The following AADAT variants were observed in gnomAD, a reference collection of about 807,000 sequenced individuals.
AADAT encodes aminoadipate aminotransferase, also known as kynurenine/alpha-aminoadipate aminotransferase, mitochondrial.
A neutral mutation model predicts 56.2 loss-of-function variants in AADAT; 25 were observed. That is an observed-to-expected ratio of 0.44 (90% confidence interval 0.32 to 0.62). The LOEUF (loss-of-function observed/expected upper bound fraction) is 0.62. Ranked by LOEUF, AADAT falls within the 20% of genes least tolerant of loss-of-function variation. The pLI is 0.04. For missense variants in AADAT, 387 were observed against 510.5 expected (o/e 0.76, Z 2.33); for synonymous variants, 173 against 164.7 (o/e 1.05, Z -0.39).
upstream of AADAT, among the ~76,000 whole-genome samples, chr4:170,092,389 C>T (rs1027347347): frequency 4.6e-5 from 7 of 152,240 alleles, no homozygotes. Context: ...CACTCACCGC[C>T]AAAGTCTGCA....
intron 12 of AADAT, 26 bp downstream of exon 12, chr4:170,061,866 T>G: frequency 1.3e-6 from 2 of 1,540,870 alleles, no homozygotes; most frequent in South Asian, 2.3e-5. Context: ...TAGCTAGTGT[T>G]ACTCTGAGGA....
upstream of AADAT, chr4:170,090,241 G>A (rs761219996): frequency 2.6e-5 from 4 of 152,242 alleles, no homozygotes; most frequent in Non-Finnish European, 4.4e-5. Flanking sequence ...GACCGGAAGT[G>A]CCCGTGATCC....
intron 4 of AADAT, among the ~76,000 whole-genome samples, chr4:170,075,214 C>T (rs1731975868): frequency 6.6e-6 from 1 of 152,212 alleles, no homozygotes; most frequent in South Asian, 2.1e-4. Flanking sequence ...CATTCATAGA[C>T]ATTATGTAAT....
In AADAT at chr4:170,060,820, G is replaced by T; in HGVS notation, c.*108C>A. On this transcript the variant is annotated 3_prime_UTR_variant, in exon 13 of 13. Transcript: ENST00000337664. ...GCCAGAGTGCAGTGGTGTGATCGTA[G>T]CTTACTGCAGCCTTGAATTCCTGGG... is the stretch of plus-strand genomic sequence containing the variant. 1 of 876,814 alleles carries T rather than the reference G, an allele frequency of 1.1e-6. No individual in the cohort carries two copies. Among genetic ancestry groups the T allele is most frequent in the Non-Finnish European group, 1.7e-6 (1 of 590,900 alleles). The allele number at this position is 876,814 out of a possible 1,614,324, so 54.3% of individuals were successfully genotyped here.
At chr4:170,082,641 T>G (rs943219600) in intron 3 of AADAT, among the ~76,000 whole-genome samples, 2 of 152,026 alleles carry the variant, frequency 1.3e-5, no homozygotes, top group Admixed American at 1.3e-4. Flanking sequence ...ATGGAGTGGC[T>G]GAGTGGATAA....
At chr4:170,067,503 C>A in intron 8 of AADAT, 115 bp from the exon 9 acceptor site, 1 of 696,478 alleles carries the variant, frequency 1.4e-6, no homozygotes, top group South Asian at 1.9e-5. Flanking sequence ...ATATAACAAG[C>A]TGAGCCTAGC....
At chr4:170,075,443 T>C (rs1731985759) in intron 4 of AADAT, among the ~76,000 whole-genome samples, 1 of 152,162 alleles carries the variant, frequency 6.6e-6, no homozygotes, top group Admixed American at 6.5e-5. Context: ...CAAGCAATCC[T>C]TACACCTCAG....
chr4:170,088,470 A>G lies in AADAT; in HGVS notation c.162T>C (p.Thr54=). ...NMFPFKTAVI[T]VENGKTIQFG... ...ATTGGATGGTCTTTCCATTTTCTAC[A>G]GTGATTACGGCAGTCTTAAAAGGAA... is the stretch of plus-strand genomic sequence containing the variant. The change falls in exon 2 of 13, where the codon ACT becomes ACC. Residue 54 remains threonine, a synonymous_variant. Coordinates refer to ENST00000337664, the MANE Select transcript of AADAT (RefSeq NM_016228.4). 2 of 1,613,718 alleles carry G rather than the reference A, an allele frequency of 1.2e-6. No homozygotes were observed. Among genetic ancestry groups the G allele is most frequent in the Non-Finnish European group, 1.7e-6 (2 of 1,179,668 alleles).
At chr4:170,078,368 A>T in intron 4 of AADAT, 141 bp downstream of exon 4, 1 of 474,994 alleles carries the variant, frequency 2.1e-6, no homozygotes, top group Non-Finnish European at 3.6e-6. Context: ...AAAATATGCT[A>T]TTTCATTTTT....
chr4:170,082,282 TAG>T (rs1732355463), intron 3 of AADAT, among the ~76,000 whole-genome samples: 1 of 152,184 alleles, frequency 6.6e-6, no homozygotes, highest in African/African-American at 2.4e-5. Flanking sequence ...AGTTAAAGAA[TAG>T]AGGATTTTTT....
upstream of AADAT, among the ~76,000 whole-genome samples, chr4:170,094,277 C>T (rs1732942465): frequency 6.6e-6 from 1 of 152,186 alleles, no homozygotes; most frequent in Non-Finnish European, 1.5e-5. Context: ...AAGAGCTTAC[C>T]AGACAATAGA....
chr4:170,091,579 C>G (rs1446532162), upstream of AADAT: 2 of 153,466 alleles, frequency 1.3e-5, no homozygotes, highest in African/African-American at 4.8e-5. Context: ...CTCCACAGCA[C>G]CCGGTCCCAT....
intron 8 of AADAT, 117 bp from the exon 9 acceptor site, chr4:170,067,505 G>A: frequency 1.4e-6 from 1 of 694,174 alleles, no homozygotes; most frequent in South Asian, 1.9e-5. Context: ...ATAACAAGCT[G>A]AGCCTAGCTT....
chr4:170,081,561 A>G (rs1185480607), intron 3 of AADAT, among the ~76,000 whole-genome samples: 2 of 152,232 alleles, frequency 1.3e-5, no homozygotes, highest in Admixed American at 6.5e-5. Context: ...AAGCAACAAG[A>G]CAAAAGAAGA....
chr4:170,075,064 A>T (rs1473087166), intron 4 of AADAT, among the ~76,000 whole-genome samples: 1 of 152,192 alleles, frequency 6.6e-6, no homozygotes, highest in Non-Finnish European at 1.5e-5. Context: ...GCAAATCAAT[A>T]CTGGGCCATA....
Position 170,070,646 on chromosome 4 carries a change from T to G in AADAT, c.661A>C (p.Arg221=). The change falls in exon 6 of 13, where the codon AGA becomes CGA. Residue 221 remains arginine, a synonymous_variant. Coordinates refer to ENST00000337664, the MANE Select transcript of AADAT (RefSeq NM_016228.4). The part of the protein sequence containing the change: ...ERKKEIYELA[R]KYDFLIIEDD... ...TCTATTATGAGGAAATCATATTTTC[T>G]TGCAAGCTAAAAAAGGTTGAAGTAA... The G allele has an allele frequency of 6.4e-7, 1 of 1,564,964 alleles. No homozygotes were observed. The highest frequency in any genetic ancestry group is 8.7e-7 in the Non-Finnish European group (1 of 1,145,534).
chr4:170,092,427 C>T (rs535408366), upstream of AADAT, among the ~76,000 whole-genome samples: 2 of 152,220 alleles, frequency 1.3e-5, no homozygotes, highest in African/African-American at 2.4e-5. Context: ...AGTGAGACCA[C>T]GAACCCACCA....
chr4:170,089,757 C>T lies in AADAT; in HGVS notation c.-67G>A. The T allele has an allele frequency of 1.3e-6, 2 of 1,534,404 alleles. No individual in the cohort carries two copies. The highest frequency in any genetic ancestry group is 1.8e-6 in the Non-Finnish European group (2 of 1,112,260). ...GAGGACTAGAAAAACCAAAGAGCCT[C>T]GTCAAGTCCTGCCTGCTAACTCCTC... On this transcript the variant is annotated 5_prime_UTR_variant, in exon 1 of 13. Transcript: ENST00000337664.
chr4:170,075,865 C>T (rs1732010235), intron 4 of AADAT, among the ~76,000 whole-genome samples: 3 of 152,158 alleles, frequency 2.0e-5, no homozygotes, highest in Admixed American at 2.0e-4. Flanking sequence ...TTGTGTCTGG[C>T]TTCTTAAAGT....
Sources: allele counts gnomAD v4.1 joint callset (sites outside exome capture counted in the v4.1 genomes callset), GRCh38; gene constraint gnomAD v4.1.1; transcripts MANE v1.5; gene names NCBI Gene and HGNC (gene_info 2026-07-23, HGNC 2026-07-21).